Variants in EIF4G3 observed in about 807,000 individuals in gnomAD.
EIF4G3 encodes eukaryotic translation initiation factor 4 gamma 3.
A neutral mutation model predicts 186.4 loss-of-function variants in EIF4G3; 34 were observed. The ratio of observed to expected loss-of-function variants is 0.18; its 90% CI spans 0.14 to 0.24. The LOEUF (loss-of-function observed/expected upper bound fraction) is 0.24. Ranked by LOEUF, EIF4G3 falls within the 10% of genes least tolerant of loss-of-function variation. The pLI is 1.00. For missense variants in EIF4G3, 1,536 were observed against 1,948.5 expected (o/e 0.79, Z 3.99); for synonymous variants, 673 against 679.5 (o/e 0.99, Z 0.15).
chr1:21,144,857 T>C (rs925751961), intron 2 of EIF4G3, among the ~76,000 whole-genome samples: 14 of 152,192 alleles, frequency 9.2e-5, no homozygotes, highest in African/African-American at 3.4e-4. Context: ...ATGCAGATCT[T>C]GGTCACTAAT....
intron 2 of EIF4G3, among the ~76,000 whole-genome samples, chr1:21,129,216 G>A (rs919961173): frequency 6.6e-6 from 1 of 151,918 alleles, no homozygotes; most frequent in African/African-American, 2.4e-5. Flanking sequence ...TCCAGAGACT[G>A]AGGCAAGAGA....
At chr1:20,981,775 A>G (rs944152802) in intron 8 of EIF4G3, among the ~76,000 whole-genome samples, 1 of 151,144 alleles carries the variant, frequency 6.6e-6, no homozygotes, top group Admixed American at 6.6e-5. Flanking sequence ...CATACTGTAT[A>G]TATACATACA....
intron 11 of EIF4G3, among the ~76,000 whole-genome samples, chr1:20,971,531 T>C (rs986655314): frequency 6.6e-6 from 1 of 152,256 alleles, no homozygotes; most frequent in African/African-American, 2.4e-5. Context: ...TTCTTGACTG[T>C]AGTGTCATGA....
intron 2 of EIF4G3, among the ~76,000 whole-genome samples, chr1:21,171,313 A>C (rs959961490): frequency 6.6e-6 from 1 of 152,208 alleles, no homozygotes; most frequent in Admixed American, 6.5e-5. Context: ...GCACCACGGG[A>C]GTTTATTCCA....
chr1:20,930,610 G>C (rs2095262161), intron 14 of EIF4G3, among the ~76,000 whole-genome samples: 1 of 152,066 alleles, frequency 6.6e-6, no homozygotes, highest in Admixed American at 6.6e-5. Context: ...ATGTTGCCCA[G>C]GCTAGTCTCA....
chr1:20,997,669 G>A, intron 6 of EIF4G3, 36 bp from the exon 7 acceptor site: 2 of 1,505,812 alleles, frequency 1.3e-6, no homozygotes, highest in South Asian at 1.3e-5. Context: ...CAAAAGGAAA[G>A]GCACAAAGAG....
At chr1:21,037,144 G>A (rs917015603) in intron 4 of EIF4G3, among the ~76,000 whole-genome samples, 1 of 151,794 alleles carries the variant, frequency 6.6e-6, no homozygotes, top group Non-Finnish European at 1.5e-5. Context: ...GTCTCTAAGG[G>A]TGGCTTAGAG....
rs1415184182 is a variant in EIF4G3 at position 21,004,666 on chromosome 1, G to C, written c.-66-1858C>G. On this transcript the variant is annotated intron_variant, in intron 4 of 36. Transcript: ENST00000602326. ...TAAGTATCTTACCTAAGATAACAAAGTAAATAATATATCTAGAAAGTATTA... is the reference window on the plus strand; with the variant it reads ...TAAGTATCTTACCTAAGATAACAAACTAAATAATATATCTAGAAAGTATTA... 3.3e-5 allele frequency among the ~76,000 whole-genome samples: 5 copies of C among 152,108 alleles called. No individual in the cohort carries two copies. In the East Asian group the frequency reaches 9.6e-4, roughly 29 times the overall value.
intron 2 of EIF4G3, among the ~76,000 whole-genome samples, chr1:21,112,283 T>C (rs1040302511): frequency 6.6e-6 from 1 of 152,114 alleles, no homozygotes; most frequent in Admixed American, 6.6e-5. Context: ...ATTTGTAAAT[T>C]CACAACCAGT....
chr1:20,868,090 C>CTTTTTTTTCTTTTTTTTT (rs1553236849), intron 20 of EIF4G3, among the ~76,000 whole-genome samples: 3 of 90,414 alleles, frequency 3.3e-5, no homozygotes, highest in African/African-American at 1.2e-4. Flanking sequence ...TGGTGATTTT[C>CTTTTTTTTCTTTTTTTTT]TTTTTTTTTT....
At chr1:21,067,342 A>G (rs2154579574) in intron 3 of EIF4G3, among the ~76,000 whole-genome samples, 1 of 152,090 alleles carries the variant, frequency 6.6e-6, no homozygotes, top group Middle Eastern at 3.4e-3. Flanking sequence ...CGTGTTGGCC[A>G]GGCTGGTCTC....
At chr1:21,158,318 G>A (rs2097699056) in intron 2 of EIF4G3, among the ~76,000 whole-genome samples, 1 of 151,542 alleles carries the variant, frequency 6.6e-6, no homozygotes, top group African/African-American at 2.4e-5. Flanking sequence ...TGGGACCAGA[G>A]GCACATACCA....
intron 14 of EIF4G3, among the ~76,000 whole-genome samples, chr1:20,927,967 C>A (rs571521008): frequency 1.3e-5 from 2 of 152,158 alleles, no homozygotes; most frequent in East Asian, 3.9e-4. Context: ...AAGCAATCCT[C>A]CCATCTCAGT....
intron 2 of EIF4G3, among the ~76,000 whole-genome samples, chr1:21,155,262 C>CA (rs34182850): frequency 0.48 from 20,914 of 43,264 alleles, 5,962 homozygotes; most frequent in Middle Eastern, 0.57. Flanking sequence ...GACTCTGTCT[C>CA]AAAAAAAAAA....
chr1:21,002,001 G>C (rs2083635276), intron 5 of EIF4G3, among the ~76,000 whole-genome samples: 1 of 152,204 alleles, frequency 6.6e-6, no homozygotes, highest in South Asian at 2.1e-4. Context: ...AGATGTTACA[G>C]AAGCACCTTC....
chr1:21,124,980 C>T (rs2097001134), intron 2 of EIF4G3, among the ~76,000 whole-genome samples: 1 of 152,146 alleles, frequency 6.6e-6, no homozygotes, highest in African/African-American at 2.4e-5. Context: ...TTCAACACAT[C>T]CAGGTTTAGA....
chr1:20,912,112 C>T (rs566872832), intron 14 of EIF4G3, among the ~76,000 whole-genome samples: 4 of 152,022 alleles, frequency 2.6e-5, no homozygotes, highest in South Asian at 2.1e-4. Context: ...CCCATCTCTA[C>T]AGAATAATTA....
intron 14 of EIF4G3, among the ~76,000 whole-genome samples, chr1:20,911,381 A>G (rs563133560): frequency 6.6e-6 from 1 of 152,014 alleles, no homozygotes; most frequent in South Asian, 2.1e-4. Flanking sequence ...CAGCCTAGGC[A>G]AAAAAGTGAG....
chr1:21,107,541 T>C (rs1390319805), intron 2 of EIF4G3, among the ~76,000 whole-genome samples: 1 of 152,162 alleles, frequency 6.6e-6, no homozygotes, highest in Non-Finnish European at 1.5e-5. Flanking sequence ...AAGAGATGAG[T>C]TCTGAGGTTC....
Sources: allele counts gnomAD v4.1 joint callset (sites outside exome capture counted in the v4.1 genomes callset), GRCh38; gene constraint gnomAD v4.1.1; transcripts MANE v1.5; gene names NCBI Gene and HGNC (gene_info 2026-07-23, HGNC 2026-07-21).